Variants in CUBN observed in about 807,000 individuals in gnomAD.
The protein encoded by CUBN is 460 kDa receptor.
CUBN carries 282 observed loss-of-function variants against 405.3 expected under a neutral mutation model. The observed-to-expected ratio is 0.70, with a 90% CI of 0.63 to 0.77. CUBN has a LOEUF of 0.77. Ranked by LOEUF, CUBN falls within the 30% of genes least tolerant of loss-of-function variation. CUBN has a pLI of 0.00. For missense variants in CUBN, 4,514 were observed against 4,475.2 expected (o/e 1.01, Z -0.25); for synonymous variants, 1,684 against 1,617.0 (o/e 1.04, Z -0.99).
intron 31 of CUBN, among the ~76,000 whole-genome samples, chr10:16,961,446 A>G (rs968326293): frequency 1.3e-5 from 2 of 152,174 alleles, no homozygotes; most frequent in African/African-American, 4.8e-5. Flanking sequence ...CATGTGTTCA[A>G]CTTTGTCACA....
chr10:16,854,049 G>A (rs143011004), intron 59 of CUBN, among the ~76,000 whole-genome samples: 7 of 152,268 alleles, frequency 4.6e-5, no homozygotes, highest in South Asian at 2.1e-4. Flanking sequence ...AGGCAGAAAC[G>A]TCTTACAGTT....
chr10:16,911,875 A>G (rs1381520480), intron 48 of CUBN, among the ~76,000 whole-genome samples: 1 of 152,216 alleles, frequency 6.6e-6, no homozygotes, highest in African/African-American at 2.4e-5. Flanking sequence ...AGAAAAATAG[A>G]TTAAAATCAG....
chr10:17,057,622 C>T (rs1055314840), intron 22 of CUBN, among the ~76,000 whole-genome samples: 10 of 152,088 alleles, frequency 6.6e-5, no homozygotes, highest in South Asian at 2.1e-4. Context: ...AGAATGAATA[C>T]GTCCACAAAA....
rs1168688524 is a variant in CUBN at position 17,041,102 on chromosome 10, G to A, written c.3948C>T (p.Asn1316=). The A allele has an allele frequency of 1.9e-6, 3 of 1,613,806 alleles. No individual in the cohort carries two copies. Among genetic ancestry groups the A allele is most frequent in the Admixed American group, 3.3e-5 (2 of 59,992 alleles). ...ATGCTAAAAATGTGTAGTTCACAGTGTTGCCTGTTGTTGCCCGGATGGTCC... is the reference window on the plus strand; with the variant it reads ...ATGCTAAAAATGTGTAGTTCACAGTATTGCCTGTTGTTGCCCGGATGGTCC... ...CNWTIRATTG[N]TVNYTFLAFD... is the part of the protein sequence containing the mutation. The change falls in exon 27 of 67, where the codon AAC becomes AAT. Residue 1316 remains asparagine (N), a synonymous_variant. Transcript: ENST00000377833.
At chr10:17,008,258 T>G (rs1331581718) in intron 28 of CUBN, among the ~76,000 whole-genome samples, 1 of 149,786 alleles carries the variant, frequency 6.7e-6, no homozygotes, top group East Asian at 2.0e-4. Flanking sequence ...TGTGTGTGTG[T>G]GTGTGTGTGG....
At position 17,084,362 on chromosome 10, in the gene CUBN, A is replaced by C. The variant is rs1396187997; in HGVS notation, c.2210T>G (p.Met737Arg). 1.9e-6 allele frequency: 3 copies of C among 1,614,038 alleles called. No individual in the cohort carries two copies. Among genetic ancestry groups the C allele is most frequent in the Non-Finnish European group, 2.5e-6 (3 of 1,180,034 alleles). ...PFTHTRQCVY[M>R]MKQPQGEQIQ... ...TTGTTCTCCCTGGGGCTGCTTCATC[A>C]TATAGACGCATTGCCTGGTGTGAGT... Residue 737 changes from methionine to arginine, a missense_variant, in exon 17 of 67, where the codon ATG becomes AGG. By Grantham distance (91) the Met-to-Arg change is moderately conservative. Transcript: ENST00000377833.
intron 59 of CUBN, among the ~76,000 whole-genome samples, chr10:16,862,364 T>C (rs567738872): frequency 3.9e-5 from 6 of 152,256 alleles, no homozygotes; most frequent in African/African-American, 1.2e-4. Flanking sequence ...CTTTCTTCCT[T>C]TGTAAAATGG....
chr10:16,945,274 T>G (rs1166683190), intron 36 of CUBN, among the ~76,000 whole-genome samples: 1 of 152,196 alleles, frequency 6.6e-6, no homozygotes, highest in Non-Finnish European at 1.5e-5. Flanking sequence ...TTGGATTTTA[T>G]TCTAAGGACA....
intron 54 of CUBN, among the ~76,000 whole-genome samples, chr10:16,891,960 T>C (rs147253959): frequency 6.6e-6 from 1 of 152,218 alleles, no homozygotes; most frequent in Non-Finnish European, 1.5e-5. Flanking sequence ...GGATGTGTAT[T>C]AATCTTACTT....
intron 22 of CUBN, among the ~76,000 whole-genome samples, chr10:17,051,540 G>C (rs1835267745): frequency 6.6e-6 from 1 of 151,916 alleles, no homozygotes; most frequent in Non-Finnish European, 1.5e-5. Context: ...TATGTGCAAA[G>C]ACTTAAAGAA....
chr10:16,984,218 G>A lies in CUBN; in HGVS notation c.4412C>T (p.Pro1471Leu). 1 of 1,614,124 alleles carries A rather than the reference G, an allele frequency of 6.2e-7. No individual in the cohort carries two copies. The highest frequency in any genetic ancestry group is 8.5e-7 in the Non-Finnish European group (1 of 1,179,974). ...RIAQLCTQRSPENPMQVSSTG... is the reference protein window; with the variant it reads ...RIAQLCTQRSLENPMQVSSTG... ...GCTGGAGACCTGCATGGGGTTCTCA[G>A]GTGATCTCTGGGTACACAGTTGGGC... The change falls in exon 30 of 67, where the codon CCT becomes CTT. Residue 1471 changes from proline to leucine, a missense_variant. Pro to Leu is a moderately conservative substitution (Grantham distance 98, BLOSUM62 -3). This residue lies in a region of CUBN where 1,613 missense variants were observed against 1,542.8 expected (regional missense o/e 1.05). Coordinates refer to ENST00000377833, the MANE Select transcript of CUBN (RefSeq NM_001081.4).
intron 27 of CUBN, chr10:17,023,494 A>G (rs1239419686): frequency 2.5e-6 from 1 of 393,378 alleles, no homozygotes; most frequent in South Asian, 1.8e-5. Flanking sequence ...TCCCGCGCAA[A>G]TTGACCACCC....
At chr10:16,848,166 G>A (rs908441671) in intron 60 of CUBN, among the ~76,000 whole-genome samples, 2 of 152,226 alleles carry the variant, frequency 1.3e-5, no homozygotes, top group East Asian at 1.9e-4. Context: ...AATGAATTGC[G>A]GAAATTCAGA....
rs529012612 is a variant in CUBN, at chr10:16,939,183, T to G, written c.5549-36A>C. The G allele has an allele frequency of 6.0e-6, 9 of 1,507,494 alleles. No homozygotes were observed. The African/African-American group carries it at 1.1e-4, about 18-fold the overall frequency. 93.4% of individuals were successfully genotyped at this position (1,507,494 alleles called of 1,614,324 possible). On this transcript the variant is annotated intron_variant, in intron 37 of 66. Transcript: ENST00000377833. ...AGACAGAGTAGTAAATCAGACCCAC[T>G]TAGAATTGCTCTTTAATCAAATGAA...
intron 64 of CUBN, among the ~76,000 whole-genome samples, chr10:16,833,965 G>C (rs1470105338): frequency 2.0e-5 from 3 of 152,212 alleles, no homozygotes; most frequent in Non-Finnish European, 2.9e-5. Flanking sequence ...GAAGACTCTT[G>C]TGTGGTACAA....
At chr10:16,859,358 G>A (rs376315050) in intron 59 of CUBN, among the ~76,000 whole-genome samples, 4 of 152,088 alleles carry the variant, frequency 2.6e-5, no homozygotes, top group Non-Finnish European at 1.5e-5. Flanking sequence ...TATAGATGAC[G>A]AAAAGCACGT....
chr10:16,830,387 AGGTATTTT>A (rs1279102373), intron 65 of CUBN, among the ~76,000 whole-genome samples: 1 of 152,102 alleles, frequency 6.6e-6, no homozygotes, highest in African/African-American at 2.4e-5. Context: ...CTTATTTTGA[AGGTATTTT>A]GGTATTTTGG....
rs148712017 is a variant in CUBN at position 17,068,111 on chromosome 10, G to A, written c.2961C>T (p.Asn987=). ...CGGTGTCATAAACTTCCAAGTAGTC[G>A]TTTGTGCAATTGTAATGAAACTCCA... is the stretch of plus-strand genomic sequence containing the variant. ...FHLEFHYNCT[N]DYLEVYDTDS... The change falls in exon 21 of 67, where the codon AAC becomes AAT. Residue 987 remains asparagine, a synonymous_variant. Transcript: ENST00000377833. The A allele has an allele frequency of 8.1e-5, 130 of 1,613,330 alleles. No individual in the cohort carries two copies. The highest frequency in any genetic ancestry group is 9.4e-5 in the African/African-American group (7 of 74,864).
intron 22 of CUBN, among the ~76,000 whole-genome samples, chr10:17,051,210 A>C (rs1199611111): frequency 1.3e-5 from 2 of 151,940 alleles, no homozygotes; most frequent in Non-Finnish European, 2.9e-5. Context: ...AAATACAAAA[A>C]ATTAGCTGGG....
Sources: allele counts gnomAD v4.1 joint callset (sites outside exome capture counted in the v4.1 genomes callset), GRCh38; gene constraint gnomAD v4.1.1; regional missense constraint gnomAD v4.1.1; transcripts MANE v1.5; gene names NCBI Gene and HGNC (gene_info 2026-07-23, HGNC 2026-07-21).